TMEM51: variants seen among roughly 807,000 people sequenced by gnomAD.
The protein encoded by TMEM51 is transmembrane protein 51, also known as chromosome 1 open reading frame 72.
A neutral mutation model predicts 13.6 loss-of-function variants in TMEM51; 8 were observed. The ratio of observed to expected loss-of-function variants is 0.59; its 90% confidence interval spans 0.35 to 1.07. The LOEUF is 1.07. Among genes scored for constraint, TMEM51 ranks in the 50% least tolerant of loss-of-function variants. The pLI is 0.02. For synonymous variants in TMEM51, 147 were observed against 144.4 expected, an observed-to-expected ratio of 1.02 and a Z score of -0.13; for missense variants, 279 against 330.7, an observed-to-expected ratio of 0.84 and a Z score of 1.21.
At chr1:15,173,211 ATTCT>A (rs759893777) in intron 1 of TMEM51, among the ~76,000 whole-genome samples, 1 of 111,928 alleles carries the variant, frequency 8.9e-6, no homozygotes, top group Non-Finnish European at 1.7e-5. Context: ...ACCTGATCAT[ATTCT>A]TTTTTTTTTT....
At chr1:15,160,777 G>A (rs182029192) in intron 1 of TMEM51, among the ~76,000 whole-genome samples, 8 of 103,978 alleles carry the variant, frequency 7.7e-5, no homozygotes, top group South Asian at 2.7e-4. Context: ...GCTAAACACC[G>A]GCGCCATCAC....
chr1:15,182,029 T>TGG (rs1643630769), intron 1 of TMEM51, among the ~76,000 whole-genome samples: 5 of 151,850 alleles, frequency 3.3e-5, no homozygotes, highest in African/African-American at 1.2e-4. Context: ...GGCGTGGTGG[T>TGG]GTGCACCTGT....
At chr1:15,173,277 T>C (rs1348495505) in intron 1 of TMEM51, among the ~76,000 whole-genome samples, 1 of 145,136 alleles carries the variant, frequency 6.9e-6, no homozygotes, top group Non-Finnish European at 1.5e-5. Flanking sequence ...TAGAGTGCAG[T>C]GGCGCAATCT....
chr1:15,154,976 G>A (rs79668780), intron 1 of TMEM51, among the ~76,000 whole-genome samples: 1,530 of 152,308 alleles, frequency 0.01, 31 homozygotes, highest in African/African-American at 0.035. Flanking sequence ...GGACCGGCCG[G>A]CTTCTGGCTT....
chr1:15,218,114 T>C (rs577164156), intron 3 of TMEM51, among the ~76,000 whole-genome samples: 4 of 152,348 alleles, frequency 2.6e-5, no homozygotes, highest in African/African-American at 9.6e-5. Context: ...AAAGTGGCTA[T>C]TGGCGTTAAT....
In TMEM51 at chr1:15,161,616, A is replaced by G. The variant is rs1642782786; in HGVS notation, c.-267+7662A>G. ...AGTCCATTTGTGTTGCTGTAAAGAA[A>G]TACCTGAGATTGGGTAATTTATAAA... On this transcript the variant is annotated intron_variant, in intron 1 of 3. Coordinates refer to ENST00000376008, the MANE Select transcript of TMEM51 (RefSeq NM_001136218.2). The surrounding 1 kb of genome is among the most constrained non-coding windows in gnomAD (Gnocchi z 4.0). Among the ~76,000 whole-genome samples, 1 of 152,066 alleles carries G rather than the reference A, an allele frequency of 6.6e-6. No individual in the cohort carries two copies.
chr1:15,176,378 A>T (rs1312728358), intron 1 of TMEM51, among the ~76,000 whole-genome samples: 8 of 152,348 alleles, frequency 5.3e-5, no homozygotes, highest in Admixed American at 2.0e-4. Context: ...AGACGACTCT[A>T]AATGGCCGGT....
intron 1 of TMEM51, among the ~76,000 whole-genome samples, chr1:15,200,953 G>A (rs1644143920): frequency 6.6e-6 from 1 of 152,108 alleles, no homozygotes; most frequent in African/African-American, 2.4e-5. Flanking sequence ...GGAGTGGGGG[G>A]CCCGGGAGGC....
At chr1:15,197,070 A>G (rs549609445) in intron 1 of TMEM51, among the ~76,000 whole-genome samples, 16 of 152,332 alleles carry the variant, frequency 1.1e-4, no homozygotes, top group African/African-American at 3.4e-4. Flanking sequence ...ATTCATTCCC[A>G]GGCAGGCTTT....
chr1:15,190,944 C>A (rs566480795), intron 1 of TMEM51, among the ~76,000 whole-genome samples: 1 of 152,116 alleles, frequency 6.6e-6, no homozygotes, highest in Non-Finnish European at 1.5e-5. Context: ...CGTGCCACCA[C>A]ACCCGGCTAA....
intron 1 of TMEM51, among the ~76,000 whole-genome samples, chr1:15,154,199 T>G (rs1324244660): frequency 2.0e-5 from 3 of 152,076 alleles, no homozygotes; most frequent in Admixed American, 6.5e-5. Flanking sequence ...TGGCCTCGGC[T>G]GGGGAAGGCA....
chr1:15,156,320 G>C (rs1422962999), intron 1 of TMEM51, among the ~76,000 whole-genome samples: 1 of 152,214 alleles, frequency 6.6e-6, no homozygotes, highest in Non-Finnish European at 1.5e-5. Flanking sequence ...CGTTTTAATA[G>C]GTTGTGTTTC....
intron 1 of TMEM51, among the ~76,000 whole-genome samples, chr1:15,171,668 C>T (rs1018392959): frequency 3.9e-5 from 6 of 152,198 alleles, no homozygotes; most frequent in Non-Finnish European, 8.8e-5. Flanking sequence ...TTCCATCTCC[C>T]AGCTTTCCAC....
At chr1:15,182,515 G>C (rs1233647795) in intron 1 of TMEM51, among the ~76,000 whole-genome samples, 1 of 152,198 alleles carries the variant, frequency 6.6e-6, no homozygotes, top group Non-Finnish European at 1.5e-5. Context: ...GTGTGACCTT[G>C]AGCAAATAAT....
At chr1:15,215,489 C>A in intron 3 of TMEM51, 58 bp downstream of exon 3, 1 of 1,401,238 alleles carries the variant, frequency 7.1e-7, no homozygotes, top group Non-Finnish European at 9.5e-7. Context: ...CACGCATGCA[C>A]ACACATGTTC....
intron 1 of TMEM51, among the ~76,000 whole-genome samples, chr1:15,175,631 G>A (rs562599476): frequency 1.3e-5 from 2 of 152,284 alleles, no homozygotes; most frequent in African/African-American, 4.8e-5. Context: ...CACATGGCTG[G>A]GGAGGCCTCA....
At chr1:15,201,049 G>A (rs1644147011) in intron 1 of TMEM51, among the ~76,000 whole-genome samples, 1 of 152,180 alleles carries the variant, frequency 6.6e-6, no homozygotes, top group South Asian at 2.1e-4. Flanking sequence ...CCAATAGTTG[G>A]TTTGACTGGG....
intron 1 of TMEM51, among the ~76,000 whole-genome samples, chr1:15,164,081 C>T (rs4661586): frequency 0.36 from 54,838 of 151,676 alleles, 11,433 homozygotes; most frequent in East Asian, 0.6. Context: ...CCGCCCACCT[C>T]GGCCTCCCAA....
At chr1:15,186,107 C>T (rs544996087) in intron 1 of TMEM51, among the ~76,000 whole-genome samples, 33 of 152,298 alleles carry the variant, frequency 2.2e-4, no homozygotes, top group Admixed American at 1.1e-3. Flanking sequence ...TAGAGAGAGG[C>T]GGGAGCCTCT....
Sources: allele counts gnomAD v4.1 joint callset (sites outside exome capture counted in the v4.1 genomes callset), GRCh38; gene constraint gnomAD v4.1.1; non-coding constraint Gnocchi (gnomAD v3.1); transcripts MANE v1.5; gene names NCBI Gene and HGNC (gene_info 2026-07-23, HGNC 2026-07-21).